SLC24A2: variants seen among roughly 807,000 people sequenced by gnomAD.
SLC24A2 encodes the protein sodium/potassium/calcium exchanger 2.
In SLC24A2, 36 loss-of-function variants were observed where a neutral mutation model predicts 62.0. The observed-to-expected ratio is 0.58, with a 90% CI of 0.44 to 0.77. The LOEUF (loss-of-function observed/expected upper bound fraction) is 0.77. Ranked by LOEUF, SLC24A2 falls within the 30% of genes least tolerant of loss-of-function variation. The pLI, the probability that SLC24A2 is intolerant of heterozygous loss-of-function variation, is 0.00. For synonymous variants in SLC24A2, 358 were observed against 294.0 expected (o/e 1.22, Z -2.23); for missense variants, 846 against 817.9 (o/e 1.03, Z -0.42).
At chr9:19,861,626 T>G in the SLC24A2 span, among the ~76,000 whole-genome samples, 2,221 of 152,212 alleles carry the variant, frequency 0.015, 21 homozygotes, top group Middle Eastern at 0.037. Flanking sequence ...GAGAGATATG[T>G]CACCTTTCAG....
chr9:20,246,483 G>T, the SLC24A2 span, among the ~76,000 whole-genome samples: 25 of 152,350 alleles, frequency 1.6e-4, no homozygotes, highest in African/African-American at 6.0e-4. Context: ...CAGGAGGAAA[G>T]AGTTCATTTT....
the SLC24A2 span, among the ~76,000 whole-genome samples, chr9:19,887,360 G>C: frequency 6.6e-6 from 1 of 152,068 alleles, no homozygotes; most frequent in Non-Finnish European, 1.5e-5. Flanking sequence ...TAGGTGTTCT[G>C]TTCACTCTGT....
chr9:20,253,547 A>G, the SLC24A2 span, among the ~76,000 whole-genome samples: 3 of 152,304 alleles, frequency 2.0e-5, no homozygotes, highest in Non-Finnish European at 4.4e-5. Context: ...TTGGCTCCGC[A>G]CTGGGATCAT....
chr9:20,070,038 G>A, the SLC24A2 span, among the ~76,000 whole-genome samples: 1 of 152,036 alleles, frequency 6.6e-6, no homozygotes, highest in Non-Finnish European at 1.5e-5. Flanking sequence ...GAAAATCTTT[G>A]ACTTATTTTT....
intron 2 of SLC24A2, among the ~76,000 whole-genome samples, chr9:19,659,978 G>C (rs1201545177): frequency 6.6e-6 from 1 of 152,196 alleles, no homozygotes; most frequent in East Asian, 1.9e-4. Context: ...AGAGACTTAC[G>C]AGGGGACCAA....
chr9:19,570,705 A>G (rs1023279894), intron 7 of SLC24A2, among the ~76,000 whole-genome samples: 1 of 152,356 alleles, frequency 6.6e-6, no homozygotes, highest in Non-Finnish European at 1.5e-5. Flanking sequence ...CCCTTATGAT[A>G]GCTGCAATGA....
At chr9:19,954,971 G>C in the SLC24A2 span, among the ~76,000 whole-genome samples, 1 of 144,458 alleles carries the variant, frequency 6.9e-6, no homozygotes, top group Non-Finnish European at 1.5e-5. Flanking sequence ...AGGAAAAAGA[G>C]GAGGCTGCCA....
In SLC24A2 at chr9:19,786,029, TGAAAA is replaced by T; in HGVS notation, c.833_837del (p.Val278AspfsTer19). ...TTTTCTACTTGGACGTTGAATTTCATGAAAACCACATAGCAAAAATAAGCTGTTAA... is the reference window on the plus strand; with the variant it reads ...TTTTCTACTTGGACGTTGAATTTCATCCACATAGCAAAAATAAGCTGTTAA... On this transcript the variant is annotated frameshift_variant, in exon 2 of 11. Transcript: ENST00000341998. LOFTEE classifies it high-confidence loss of function. This position sits in a 1 kb window ranked among gnomAD's most constrained non-coding sequence, Gnocchi z 5.0. The T allele has an allele frequency of 6.2e-7, 1 of 1,614,114 alleles. No homozygotes were observed. The highest frequency in any genetic ancestry group is 8.5e-7 in the Non-Finnish European group (1 of 1,179,950).
At chr9:19,518,404 T>G (rs1013561397) in intron 10 of SLC24A2, among the ~76,000 whole-genome samples, 1 of 151,780 alleles carries the variant, frequency 6.6e-6, no homozygotes, top group Non-Finnish European at 1.5e-5. Context: ...ATTTTTCTTT[T>G]CTTTCTTTTT....
At chr9:19,605,780 G>T (rs1391881704) in intron 4 of SLC24A2, among the ~76,000 whole-genome samples, 3 of 152,202 alleles carry the variant, frequency 2.0e-5, no homozygotes, top group Non-Finnish European at 2.9e-5. Flanking sequence ...GCATTCCATT[G>T]AATACACTTA....
At chr9:19,831,146 A>T in the SLC24A2 span, among the ~76,000 whole-genome samples, 1 of 152,190 alleles carries the variant, frequency 6.6e-6, no homozygotes, top group East Asian at 1.9e-4. Flanking sequence ...CAGAGGCCAC[A>T]TCTCTTGATA....
chr9:20,295,703 T>TA, the SLC24A2 span, among the ~76,000 whole-genome samples: 2 of 152,228 alleles, frequency 1.3e-5, no homozygotes, highest in Non-Finnish European at 1.5e-5. Flanking sequence ...CTCTGGGACT[T>TA]ACACCAGTGG....
At chr9:19,721,816 T>G (rs1002605391) in intron 2 of SLC24A2, among the ~76,000 whole-genome samples, 1 of 152,174 alleles carries the variant, frequency 6.6e-6, no homozygotes, top group Non-Finnish European at 1.5e-5. Context: ...TTTATTTCCT[T>G]TGTGAGCCTT....
chr9:19,651,638 T>C (rs1446844397), intron 2 of SLC24A2, among the ~76,000 whole-genome samples: 5 of 152,184 alleles, frequency 3.3e-5, no homozygotes, highest in Non-Finnish European at 5.9e-5. Context: ...TCACTACTTT[T>C]TAAAATTAGG....
the SLC24A2 span, among the ~76,000 whole-genome samples, chr9:19,933,712 A>G: frequency 6.6e-6 from 1 of 152,244 alleles, no homozygotes; most frequent in African/African-American, 2.4e-5. Context: ...AAAAGTAGAA[A>G]CAACCCAAAT....
At chr9:20,104,783 T>C in the SLC24A2 span, among the ~76,000 whole-genome samples, 1 of 152,184 alleles carries the variant, frequency 6.6e-6, no homozygotes, top group South Asian at 2.1e-4. Flanking sequence ...AGGAAGAAAC[T>C]GCATCAACTA....
At chr9:19,605,042 A>G (rs967465502) in intron 4 of SLC24A2, among the ~76,000 whole-genome samples, 1 of 152,252 alleles carries the variant, frequency 6.6e-6, no homozygotes, top group Non-Finnish European at 1.5e-5. Context: ...TCAGTTTAAA[A>G]TCCAGGATGC....
intron 5 of SLC24A2, among the ~76,000 whole-genome samples, chr9:19,589,633 A>G (rs1298170588): frequency 6.6e-6 from 1 of 152,212 alleles, no homozygotes; most frequent in Non-Finnish European, 1.5e-5. Flanking sequence ...CACATTAGGA[A>G]CTATCTAATG....
chr9:20,281,197 T>G, the SLC24A2 span, among the ~76,000 whole-genome samples: 1 of 152,198 alleles, frequency 6.6e-6, no homozygotes, highest in Non-Finnish European at 1.5e-5. Context: ...CCCAAAGTGC[T>G]GGGAATACAG....
Sources: allele counts gnomAD v4.1 joint callset (sites outside exome capture counted in the v4.1 genomes callset), GRCh38; gene constraint gnomAD v4.1.1; non-coding constraint Gnocchi (gnomAD v3.1); transcripts MANE v1.5; gene names NCBI Gene and HGNC (gene_info 2026-07-23, HGNC 2026-07-21).